The following LMO3 variants were observed in gnomAD, a reference collection of about 807,000 sequenced individuals.
LMO3 encodes LIM domain only 3.
A neutral mutation model predicts 15.8 loss-of-function variants in LMO3; 2 were observed. That is an observed-to-expected ratio of 0.13 (90% CI 0.05 to 0.40). The LOEUF is 0.40. Ranked by LOEUF, LMO3 falls within the 10% of genes least tolerant of loss-of-function variation. LMO3 has a pLI of 0.99. For missense variants in LMO3, 86 were observed against 182.2 expected (o/e 0.47, Z 3.04); for synonymous variants, 62 against 63.8 (o/e 0.97, Z 0.13).
rs554363762 is a variant in LMO3, at chr12:16,603,061, G to A, written c.-8-2193C>T. Reference sequence around the variant, plus strand: ...AGTTGTGTTTCTACCATCAAGCATAGAAGGTCAGCTGTTTTATTCAAAATG... The same window carrying A: ...AGTTGTGTTTCTACCATCAAGCATAAAAGGTCAGCTGTTTTATTCAAAATG... On this transcript the variant is annotated intron_variant, in intron 1 of 3. Coordinates refer to ENST00000537304, the MANE Select transcript of LMO3 (RefSeq NM_018640.5). The surrounding 1 kb of genome is among the most constrained non-coding windows in gnomAD (Gnocchi z 4.9). Among the ~76,000 whole-genome samples the A allele has an allele frequency of 6.6e-6, 1 of 151,316 alleles. No homozygotes were observed. The highest frequency in any genetic ancestry group is 2.4e-5 in the African/African-American group (1 of 41,248).
Position 16,598,024 on chromosome 12 carries a change from G to C in LMO3, c.206+2631C>G, listed in dbSNP as rs1943711425. 1 of 151,912 alleles carries C rather than the reference G, an allele frequency of 6.6e-6. No homozygotes were observed. Among genetic ancestry groups the C allele is most frequent in the Admixed American group, 6.6e-5 (1 of 15,242 alleles). 9.4% of individuals were successfully genotyped at this position (151,912 alleles called of 1,614,324 possible). On this transcript the variant is annotated intron_variant, in intron 2 of 3. Coordinates refer to ENST00000537304, the MANE Select transcript of LMO3 (RefSeq NM_018640.5). This position sits in a 1 kb window ranked among gnomAD's most constrained non-coding sequence, Gnocchi z 4.3. ...TGCCTGAAATCATACCTCTCACACA[G>C]TAAGCATTTAATAAACATTTTTGAA...
chr12:16,588,040 C>A (rs1943375482), intron 2 of LMO3, among the ~76,000 whole-genome samples: 1 of 152,022 alleles, frequency 6.6e-6, no homozygotes, highest in Admixed American at 6.6e-5. Flanking sequence ...GGTATTTTCC[C>A]CCTTTTATTC....
chr12:16,602,458 C>T (rs991017968), intron 1 of LMO3, among the ~76,000 whole-genome samples: 2 of 152,208 alleles, frequency 1.3e-5, no homozygotes, highest in African/African-American at 4.8e-5. Flanking sequence ...GAAAATAACT[C>T]GTCTGGTAGA....
At chr12:16,571,988 A>T (rs1565492748) in intron 2 of LMO3, among the ~76,000 whole-genome samples, 1 of 152,036 alleles carries the variant, frequency 6.6e-6, no homozygotes, top group Non-Finnish European at 1.5e-5. Context: ...TAAGAGAAAA[A>T]TCCCACATTA....
chr12:16,594,082 T>C, intron 2 of LMO3: 6 of 1,499,816 alleles, frequency 4.0e-6, no homozygotes, highest in Non-Finnish European at 5.4e-6. Flanking sequence ...TAGTTTGCAA[T>C]ATTAACGAAT....
chr12:16,580,283 A>G (rs965665047), intron 2 of LMO3, among the ~76,000 whole-genome samples: 6 of 152,164 alleles, frequency 3.9e-5, no homozygotes, highest in Non-Finnish European at 7.3e-5. Context: ...AATTTTGTCA[A>G]TGTTTAAAGC....
At chr12:16,558,543 T>G (rs1339736003) in intron 3 of LMO3, among the ~76,000 whole-genome samples, 1 of 152,048 alleles carries the variant, frequency 6.6e-6, no homozygotes, top group Non-Finnish European at 1.5e-5. Flanking sequence ...TGTTTGTATA[T>G]CCTTATCCCT....
At chr12:16,607,596 C>A (rs1944040609), upstream of LMO3, 1 of 152,116 alleles carries the variant, frequency 6.6e-6, no homozygotes, top group African/African-American at 2.4e-5. Context: ...AGTACCCTCA[C>A]CAGATTTTAC....
chr12:16,594,227 G>T, intron 2 of LMO3: 1 of 1,532,284 alleles, frequency 6.5e-7, no homozygotes. Context: ...TGTATGTGCA[G>T]CATGTATGTA....
At position 16,548,925 on chromosome 12, in the gene LMO3, A is replaced by C. The variant is rs2137226950; in HGVS notation, c.*2297T>G. The C allele has an allele frequency of 6.6e-6, 1 of 152,282 alleles. No homozygotes were observed. The highest frequency in any genetic ancestry group is 1.9e-4 in the East Asian group (1 of 5,182). The allele number at this position is 152,282 out of a possible 1,614,324, so 9.4% of individuals were successfully genotyped here. ...TCTCAGCATATTATGTAAAAGAAAAAGCAGTGAAAACCTTGTTTGGTCTTC... is the reference window on the plus strand; with the variant it reads ...TCTCAGCATATTATGTAAAAGAAAACGCAGTGAAAACCTTGTTTGGTCTTC... On this transcript the variant is annotated 3_prime_UTR_variant, in exon 4 of 4. Transcript: ENST00000537304. This position sits in a 1 kb window ranked among gnomAD's most constrained non-coding sequence, Gnocchi z 4.2.
intron 2 of LMO3, among the ~76,000 whole-genome samples, chr12:16,565,983 C>CACATATATAT (rs1942584768): frequency 2.3e-5 from 1 of 43,858 alleles, no homozygotes; most frequent in Non-Finnish European, 4.4e-5. Flanking sequence ...GAAAATGTGC[C>CACATATATAT]ATATATATAT....
chr12:16,604,864 C>T lies in LMO3; in HGVS notation c.-9+1202G>A. On this transcript the variant is annotated intron_variant, in intron 1 of 3. Transcript: ENST00000537304. This position sits in a 1 kb window ranked among gnomAD's most constrained non-coding sequence, Gnocchi z 5.3. ...GCATCTATGATAGACTGTAACCTTA[C>T]CAAAACTTTTCTCCTTTTTCTGCAT... The T allele has an allele frequency of 1.1e-5, 17 of 1,598,442 alleles. No individual in the cohort carries two copies. Among genetic ancestry groups the T allele is most frequent in the Non-Finnish European group, 1.4e-5 (16 of 1,179,800 alleles).
upstream of LMO3, chr12:16,608,336 T>TC (rs897389603): frequency 1.3e-5 from 2 of 152,148 alleles, no homozygotes; most frequent in African/African-American, 2.4e-5. This position sits in a 1 kb window ranked among gnomAD's most constrained non-coding sequence, Gnocchi z 4.1. Flanking sequence ...AGATTTTTTT[T>TC]CCCTCCAACT....
intron 2 of LMO3, among the ~76,000 whole-genome samples, chr12:16,595,110 T>G (rs1591824624): frequency 6.6e-6 from 1 of 151,598 alleles, no homozygotes; most frequent in African/African-American, 2.4e-5. Context: ...CTTATCCATC[T>G]TACATGTAAA....
intron 2 of LMO3, among the ~76,000 whole-genome samples, chr12:16,566,028 ATATATATATAT>A (rs1942594966): frequency 2.4e-5 from 2 of 82,848 alleles, no homozygotes; most frequent in Admixed American, 2.4e-4. Context: ...ATATATATAT[ATATATATATAT>A]AAAATGGAGT....
intron 2 of LMO3, chr12:16,600,360 G>A (rs867230174): frequency 1.4e-5 from 3 of 214,320 alleles, no homozygotes; most frequent in South Asian, 1.6e-4. Context: ...TGCTGATTTC[G>A]ACCAAATACA....
chr12:16,561,067 T>C (rs747345568), intron 2 of LMO3, among the ~76,000 whole-genome samples: 1 of 152,150 alleles, frequency 6.6e-6, no homozygotes, highest in Non-Finnish European at 1.5e-5. Flanking sequence ...ATACCATAGT[T>C]ATAGCTATGA....
chr12:16,551,137 C>T lies in LMO3; in HGVS notation c.*85G>A. 2.3e-6 allele frequency: 2 copies of T among 868,004 alleles called. No individual in the cohort carries two copies. The highest frequency in any genetic ancestry group is 2.7e-5 in the South Asian group (2 of 73,140). 53.8% of individuals were successfully genotyped at this position (868,004 alleles called of 1,614,324 possible). The stretch of plus-strand genomic sequence containing the variant: ...CTATATCTACGCTATTCAGTAGGTT[C>T]CTGTGTCAATTCTTATGTACATGTG... On this transcript the variant is annotated 3_prime_UTR_variant, in exon 4 of 4. Coordinates refer to ENST00000537304, the MANE Select transcript of LMO3 (RefSeq NM_018640.5).
At position 16,548,435 on chromosome 12, in the gene LMO3, A is replaced by C. The variant is rs978182027; in HGVS notation, c.*2787T>G. 1.3e-5 allele frequency: 2 copies of C among 152,210 alleles called. No individual in the cohort carries two copies. The highest frequency in any genetic ancestry group is 4.8e-5 in the African/African-American group (2 of 41,450). The allele number at this position is 152,210 out of a possible 1,614,324, so 9.4% of individuals were successfully genotyped here. On this transcript the variant is annotated 3_prime_UTR_variant, in exon 4 of 4. Coordinates refer to ENST00000537304, the MANE Select transcript of LMO3 (RefSeq NM_018640.5). This position sits in a 1 kb window ranked among gnomAD's most constrained non-coding sequence, Gnocchi z 4.2. Reference sequence around the variant, plus strand: ...TGTAAAAAAGTGAATGAAAGAATCCAGCAGATATTTATTAAGCAAGATGAA... The same window carrying C: ...TGTAAAAAAGTGAATGAAAGAATCCCGCAGATATTTATTAAGCAAGATGAA...
Sources: gnomAD v4.1 joint callset for allele counts (sites outside exome capture counted in the v4.1 genomes callset) on GRCh38, gnomAD v4.1.1 for gene constraint, Gnocchi (gnomAD v3.1) non-coding constraint, MANE v1.5 for transcripts, NCBI Gene and HGNC (gene_info 2026-07-23, HGNC 2026-07-21) for gene names.